Variants in NDUFS1 observed in about 807,000 individuals in gnomAD.
The protein encoded by NDUFS1 is NADH:ubiquinone oxidoreductase core subunit S1, also known as NADH-ubiquinone oxidoreductase 75 kDa subunit, mitochondrial.
Under a neutral mutation model 84.4 loss-of-function variants are expected in NDUFS1, and 61 were observed. The observed-to-expected ratio is 0.72, with a 90% confidence interval of 0.59 to 0.89. NDUFS1 has a LOEUF of 0.89. NDUFS1 is among the 40% of genes least tolerant of loss of function. The pLI, the probability that NDUFS1 is intolerant of heterozygous loss-of-function variation, is 0.00. For missense variants in NDUFS1, 891 were observed against 890.0 expected (o/e 1.00, Z -0.01); for synonymous variants, 275 against 290.0 (o/e 0.95, Z 0.53).
intron 9 of NDUFS1, 126 bp downstream of exon 9, chr2:206,144,766 C>T: frequency 1.1e-6 from 1 of 931,542 alleles, no homozygotes; most frequent in Non-Finnish European, 1.6e-6. Context: ...ATTATATAAG[C>T]AACTCAGATT....
At chr2:206,130,374 C>T (rs2105948972) in intron 14 of NDUFS1, 132 bp from the exon 15 acceptor site, 16 of 1,187,378 alleles carry the variant, frequency 1.3e-5, no homozygotes, top group South Asian at 2.8e-5. Context: ...TTTTTCTCGG[C>T]GATAGAGTCT....
rs774608962 is a variant in NDUFS1 at position 206,132,978 on chromosome 2, G to A, written c.1520C>T (p.Thr507Ile). 12 of 1,613,820 alleles carry A rather than the reference G, an allele frequency of 7.4e-6. No homozygotes were observed. Among genetic ancestry groups the A allele is most frequent in the Non-Finnish European group, 1.0e-5 (12 of 1,179,882 alleles). ...AQKIRMTSGV[T>I]GDWKVMNILH... ...GATATTCATAACTTTCCAATCACCA[G>A]TAACACCACTAGTCATCCGAATCTT... is the stretch of plus-strand genomic sequence containing the variant. The change falls in exon 14 of 19, where the codon ACT (threonine) becomes ATT (isoleucine). Residue 507 changes from threonine to isoleucine, a missense_variant. Coordinates refer to ENST00000233190, the MANE Select transcript of NDUFS1 (RefSeq NM_005006.7).
intron 18 of NDUFS1, among the ~76,000 whole-genome samples, chr2:206,125,230 G>C (rs1691244826): frequency 6.6e-6 from 1 of 152,130 alleles, no homozygotes; most frequent in Non-Finnish European, 1.5e-5. Flanking sequence ...GGGAGGCTGA[G>C]GTGGGTGGAC....
At chr2:206,124,315 C>G (rs1691199113) in intron 18 of NDUFS1, 39 bp from the exon 19 acceptor site, 1 of 1,501,718 alleles carries the variant, frequency 6.7e-7, no homozygotes, top group Non-Finnish European at 9.3e-7. Context: ...GATAATACAA[C>G]TTTTTAAAAA....
At chr2:206,157,090 T>C (rs1234861268) in intron 1 of NDUFS1, among the ~76,000 whole-genome samples, 1 of 152,176 alleles carries the variant, frequency 6.6e-6, no homozygotes, top group African/African-American at 2.4e-5. Flanking sequence ...TAGCTGGGAT[T>C]ACAGGCACCT....
At chr2:206,156,410 CAAAA>C (rs565294955) in intron 1 of NDUFS1, among the ~76,000 whole-genome samples, 1 of 139,362 alleles carries the variant, frequency 7.2e-6, no homozygotes, top group Non-Finnish European at 1.6e-5. Flanking sequence ...CCATCTCTAC[CAAAA>C]AAAAAAAAAA....
chr2:206,130,345 CATTTTATTTT>C, intron 14 of NDUFS1, 103 bp from the exon 15 acceptor site: 1 of 1,391,270 alleles, frequency 7.2e-7, no homozygotes, highest in Non-Finnish European at 9.9e-7. Context: ...TCAAAAAACC[CATTTTATTTT>C]ATTTTATTTT....
At position 206,127,263 on chromosome 2, in the gene NDUFS1, G is replaced by A. The variant is rs527641817; in HGVS notation, c.1885-419C>T. On this transcript the variant is annotated intron_variant, in intron 16 of 18. Transcript: ENST00000233190. ...AAGCACCAATTTCAGGCCAGGTGCA[G>A]TGGCTCACACCTGTAATCCCAGCAC... Among the ~76,000 whole-genome samples the A allele has an allele frequency of 2.6e-5, 4 of 152,330 alleles. No individual in the cohort carries two copies. In the South Asian group the frequency reaches 6.2e-4, roughly 24 times the overall value.
chr2:206,158,943 T>A (rs1046350493), intron 1 of NDUFS1: 19 of 735,410 alleles, frequency 2.6e-5, no homozygotes, highest in Non-Finnish European at 4.3e-5. Context: ...TCATGCACTG[T>A]ATCAGGCGTG....
chr2:206,152,707 T>C (rs919126024), intron 2 of NDUFS1, among the ~76,000 whole-genome samples, 197 bp from the exon 3 acceptor site: 41 of 148,664 alleles, frequency 2.8e-4, no homozygotes, highest in Non-Finnish European at 1.2e-4. Context: ...CTTCTTCTTT[T>C]TTTTTTTTTT....
At chr2:206,159,086 G>A in intron 1 of NDUFS1, 1 of 1,535,684 alleles carries the variant, frequency 6.5e-7, no homozygotes, top group Non-Finnish European at 8.7e-7. Context: ...AAGGTCACCT[G>A]CAAGCCTACA....
intron 14 of NDUFS1, among the ~76,000 whole-genome samples, chr2:206,131,631 ATC>A (rs1691514477): frequency 1.3e-5 from 2 of 151,834 alleles, no homozygotes; most frequent in African/African-American, 4.8e-5. Context: ...GTGAAATCCC[ATC>A]TCTACTAAAA....
At position 206,118,792 on chromosome 2, in the gene NDUFS1, A is replaced by G. The variant is rs1691019456; in HGVS notation, c.*5393T>C. The G allele has an allele frequency of 6.6e-6, 1 of 151,868 alleles. No individual in the cohort carries two copies. The highest frequency in any genetic ancestry group is 1.5e-5 in the Non-Finnish European group (1 of 67,998). The allele number at this position is 151,868 out of a possible 1,614,324, so 9.4% of individuals were successfully genotyped here. ...TATGGTGAAACCTCATCTCTACTAAAAATACAAAAATTGACTGGGCACGGA... is the reference window on the plus strand; with the variant it reads ...TATGGTGAAACCTCATCTCTACTAAGAATACAAAAATTGACTGGGCACGGA... On this transcript the variant is annotated 3_prime_UTR_variant, in exon 19 of 19. Coordinates refer to ENST00000233190, the MANE Select transcript of NDUFS1 (RefSeq NM_005006.7).
In NDUFS1 at chr2:206,115,922, ATAT is replaced by A. The variant is rs1690931972; in HGVS notation, c.*8260_*8262del. ...TCATAGGATGTTGTGAAAAAGACAC[ATAT>A]TATGTTTATCTACAATCATTAGAAA... is the stretch of plus-strand genomic sequence containing the variant. On this transcript the variant is annotated 3_prime_UTR_variant, in exon 19 of 19. Coordinates refer to ENST00000233190, the MANE Select transcript of NDUFS1 (RefSeq NM_005006.7). The A allele has an allele frequency of 1.6e-6, 1 of 632,692 alleles. No homozygotes were observed. The highest frequency in any genetic ancestry group is 2.5e-5 in the Admixed American group (1 of 39,494). The allele number at this position is 632,692 out of a possible 1,614,324, so 39.2% of individuals were successfully genotyped here. A position where few individuals can be genotyped will look rare whatever the true frequency, so the allele number is the denominator to read the frequency against.
chr2:206,140,948 A>ACACACACACC (rs1691922690), intron 12 of NDUFS1, among the ~76,000 whole-genome samples: 3 of 151,114 alleles, frequency 2.0e-5, no homozygotes, highest in African/African-American at 7.3e-5. Flanking sequence ...ATATATACAC[A>ACACACACACC]CACACTGAGA....
intron 13 of NDUFS1, among the ~76,000 whole-genome samples, chr2:206,136,604 T>G (rs1418692943): frequency 6.6e-6 from 1 of 151,618 alleles, no homozygotes; most frequent in Non-Finnish European, 1.5e-5. Flanking sequence ...CAGCTAATTT[T>G]TGTATTTTTA....
At chr2:206,157,200 G>T (rs980237307) in intron 1 of NDUFS1, among the ~76,000 whole-genome samples, 1 of 152,174 alleles carries the variant, frequency 6.6e-6, no homozygotes, top group Non-Finnish European at 1.5e-5. Flanking sequence ...ATCCACCCGC[G>T]TCGACCTCCC....
At chr2:206,146,183 G>A (rs545318760) in intron 8 of NDUFS1, among the ~76,000 whole-genome samples, 1 of 152,132 alleles carries the variant, frequency 6.6e-6, no homozygotes, top group South Asian at 2.1e-4. Flanking sequence ...CAGACACAGG[G>A]GAACTCCTAA....
chr2:206,154,563 T>C (rs1372710379), intron 1 of NDUFS1, among the ~76,000 whole-genome samples: 2 of 152,228 alleles, frequency 1.3e-5, no homozygotes, highest in African/African-American at 4.8e-5. Context: ...GTCGATTATA[T>C]AAACACCACG....
Sources: gnomAD v4.1 joint callset for allele counts (sites outside exome capture counted in the v4.1 genomes callset) on GRCh38, gnomAD v4.1.1 for gene constraint, MANE v1.5 for transcripts, NCBI Gene and HGNC (gene_info 2026-07-23, HGNC 2026-07-21) for gene names.